The following DAB1 variants were observed in gnomAD, a reference collection of about 807,000 sequenced individuals.
DAB1 encodes the protein DAB adaptor protein 1, also known as disabled homolog 1.
A neutral mutation model predicts 64.6 loss-of-function variants in DAB1; 15 were observed. That is an observed-to-expected ratio of 0.23 (90% CI 0.16 to 0.36). The LOEUF (loss-of-function observed/expected upper bound fraction) is 0.36, where lower values mean the gene tolerates loss of function less well. DAB1 is among the 10% of genes least tolerant of loss of function. The probability of loss-of-function intolerance (pLI) is 1.00; values close to 1 mark genes in which losing one functional copy is unlikely to be tolerated. For missense variants in DAB1, 596 were observed against 706.7 expected (o/e 0.84, Z 1.78); for synonymous variants, 235 against 251.9 (o/e 0.93, Z 0.64).
intron 2 of DAB1, among the ~76,000 whole-genome samples, chr1:57,214,842 T>C (rs1569919109): frequency 7.8e-6 from 1 of 128,300 alleles, no homozygotes; most frequent in South Asian, 2.4e-4. Context: ...ACCCAGGAGG[T>C]GGAGCTTGTC....
intron 2 of DAB1, among the ~76,000 whole-genome samples, chr1:57,240,297 AG>A (rs1337022229): frequency 2.0e-5 from 3 of 152,318 alleles, no homozygotes; most frequent in African/African-American, 7.2e-5. Context: ...TTCAAATTTC[AG>A]AAAACAAATA....
chr1:58,430,110 A>G (rs72916018), intron 3 of DAB1, among the ~76,000 whole-genome samples: 2,435 of 152,280 alleles, frequency 0.016, 75 homozygotes, highest in African/African-American at 0.057. Flanking sequence ...TCCTAATACT[A>G]TCACTTCAGG....
intron 7 of DAB1, among the ~76,000 whole-genome samples, chr1:57,552,957 T>C (rs1262777438): frequency 6.6e-6 from 1 of 152,038 alleles, no homozygotes; most frequent in East Asian, 1.9e-4. Context: ...AAGGGGCCGA[T>C]TGTATGAGGC....
intron 4 of DAB1, among the ~76,000 whole-genome samples, chr1:57,086,973 C>G (rs2100646547): frequency 6.6e-6 from 1 of 152,252 alleles, no homozygotes; most frequent in East Asian, 1.9e-4. Context: ...TCGATGTCCC[C>G]ATTTGTGGGA....
downstream of DAB1, among the ~76,000 whole-genome samples, chr1:57,825,417 G>A (rs145953414): frequency 2.6e-4 from 40 of 152,324 alleles, no homozygotes; most frequent in East Asian, 6.4e-3. Flanking sequence ...CTGTATAGAG[G>A]AAGGCACACA....
chr1:57,351,494 C>T (rs533807336), intron 1 of DAB1, among the ~76,000 whole-genome samples: 10 of 152,138 alleles, frequency 6.6e-5, no homozygotes, highest in East Asian at 1.9e-4. Context: ...GAGGCACAAA[C>T]GAGCACAGCC....
At chr1:57,106,890 A>G (rs773234552) in intron 4 of DAB1, among the ~76,000 whole-genome samples, 75 of 152,136 alleles carry the variant, frequency 4.9e-4, no homozygotes, top group Non-Finnish European at 9.9e-4. Context: ...AAACAGATAC[A>G]AAGTAGGAGA....
intron 4 of DAB1, among the ~76,000 whole-genome samples, chr1:57,114,668 G>A (rs1655953641): frequency 6.6e-6 from 1 of 152,172 alleles, no homozygotes; most frequent in Non-Finnish European, 1.5e-5. Context: ...CCTGCACTCA[G>A]AAGCATCAGT....
chr1:57,519,041 A>G (rs943338923), intron 7 of DAB1, among the ~76,000 whole-genome samples: 1 of 152,120 alleles, frequency 6.6e-6, no homozygotes, highest in African/African-American at 2.4e-5. Flanking sequence ...TCTTCGGCGC[A>G]TAGAAAAGAG....
At chr1:57,498,639 T>G (rs1644256170) in intron 7 of DAB1, among the ~76,000 whole-genome samples, 2 of 152,192 alleles carry the variant, frequency 1.3e-5, no homozygotes, top group South Asian at 4.1e-4. Flanking sequence ...AGTGGAATGA[T>G]GCAATCAGAA....
rs533742438 is a variant in DAB1, at chr1:57,304,298, C to G, written c.-136-13132G>C. On this transcript the variant is annotated intron_variant, in intron 1 of 14. Transcript: ENST00000371236. The stretch of plus-strand genomic sequence containing the variant: ...GACAGCATCGAGGGATGGCTCTAAA[C>G]AATTCATGAGAAATCCACCTCCCCC... Among the ~76,000 whole-genome samples the G allele has an allele frequency of 5.9e-5, 9 of 152,222 alleles. No individual in the cohort carries two copies. In the South Asian group the frequency reaches 1.7e-3, roughly 28 times the overall value.
chr1:57,535,707 G>A (rs975081261), intron 7 of DAB1, among the ~76,000 whole-genome samples: 2 of 151,968 alleles, frequency 1.3e-5, no homozygotes, highest in African/African-American at 2.4e-5. Context: ...TGATCCACCC[G>A]CCTCAGCCTC....
intron 4 of DAB1, among the ~76,000 whole-genome samples, chr1:58,306,824 CT>C (rs1557727810): frequency 2.0e-5 from 3 of 152,100 alleles, no homozygotes; most frequent in East Asian, 1.9e-4. Flanking sequence ...TCTCTCTCCC[CT>C]GTCTCACTTT....
chr1:58,403,297 C>CAAA (rs34798695), intron 3 of DAB1, among the ~76,000 whole-genome samples: 48 of 142,336 alleles, frequency 3.4e-4, no homozygotes, highest in African/African-American at 1.2e-3. Context: ...TTTTTGCAGC[C>CAAA]AAAAAAAAAA....
intron 6 of DAB1, among the ~76,000 whole-genome samples, chr1:57,699,190 T>A (rs1171864456): frequency 1.3e-5 from 2 of 152,188 alleles, no homozygotes; most frequent in Non-Finnish European, 2.9e-5. Context: ...ATTCTCCCAC[T>A]TTGGCCTCCC....
At chr1:57,957,266 T>A (rs748355350) in intron 5 of DAB1, among the ~76,000 whole-genome samples, 1 of 152,176 alleles carries the variant, frequency 6.6e-6, no homozygotes, top group Non-Finnish European at 1.5e-5. Context: ...CCTCAGTATT[T>A]TTGTAAGTAA....
At chr1:58,068,382 T>C (rs1328713369) in intron 5 of DAB1, among the ~76,000 whole-genome samples, 1 of 152,202 alleles carries the variant, frequency 6.6e-6, no homozygotes, top group Admixed American at 6.5e-5. Context: ...ATTCATTCAC[T>C]ATTTGTCAGG....
intron 2 of DAB1, among the ~76,000 whole-genome samples, chr1:57,207,544 C>T (rs1402465265): frequency 7.1e-6 from 1 of 140,450 alleles, no homozygotes; most frequent in African/African-American, 2.7e-5. Context: ...CCCGGGTTCA[C>T]GCCATTCTCC....
intron 7 of DAB1, among the ~76,000 whole-genome samples, chr1:57,515,728 T>C (rs932933784): frequency 1.3e-5 from 2 of 152,246 alleles, no homozygotes; most frequent in Admixed American, 6.5e-5. Flanking sequence ...TCAACAAATA[T>C]TCATGGATCA....
Sources: allele counts gnomAD v4.1 joint callset (sites outside exome capture counted in the v4.1 genomes callset), GRCh38; gene constraint gnomAD v4.1.1; transcripts MANE v1.5; gene names NCBI Gene and HGNC (gene_info 2026-07-23, HGNC 2026-07-21).